The following PPFIA2 variants were observed in gnomAD, a reference collection of about 807,000 sequenced individuals.
PPFIA2 encodes PPFI scaffold protein A2, also known as liprin-alpha-2.
In PPFIA2, 46 loss-of-function variants were observed where a neutral mutation model predicts 175.5. The ratio of observed to expected loss-of-function variants is 0.26; its 90% CI spans 0.21 to 0.34. The LOEUF is 0.34. PPFIA2 is among the 10% of genes least tolerant of loss of function. The pLI is 1.00. For synonymous variants in PPFIA2, 568 were observed against 511.4 expected, an observed-to-expected ratio of 1.11 and a Z score of -1.49; for missense variants, 1,179 against 1,506.1, an observed-to-expected ratio of 0.78 and a Z score of 3.60.
Position 81,405,813 on chromosome 12 carries a change from C to T in PPFIA2, c.736G>A (p.Glu246Lys), listed in dbSNP as rs1037837231. The T allele has an allele frequency of 3.8e-6, 6 of 1,576,080 alleles. No individual in the cohort carries two copies. The highest frequency in any genetic ancestry group is 3.5e-6 in the Non-Finnish European group (4 of 1,158,574). Residue 246 changes from glutamate to lysine, a missense_variant, in exon 8 of 33, where the codon GAA becomes AAA. Physicochemically the swap from Glu to Lys is moderately conservative, Grantham distance 56. This residue lies in a region of PPFIA2 where 226 missense variants were observed against 216.6 expected (regional missense o/e 1.04). Coordinates refer to ENST00000549396, the MANE Select transcript of PPFIA2 (RefSeq NM_003625.5). ...TTCTCATGGACTTTCTGTCCAGGTT[C>T]CATCCCTTCAAGATGTTCTGACTCT... ...STESEHLEGM[E>K]PGQKVHEKRL...
Position 81,384,078 on chromosome 12 carries a change from T to C in PPFIA2, c.929A>G (p.Lys310Arg), listed in dbSNP as rs568029196. ...EVEQEAETAR[K>R]DLIKTEEMNT... ...CATTTCTTCTGTTTTAATGAGATCC[T>C]TTCTTGCTGTCTCTGCTTCCTGTTC... Residue 310 changes from lysine (K) to arginine (R), a missense_variant, in exon 9 of 33, where the codon AAG becomes AGG. Lys to Arg is a conservative substitution (Grantham distance 26, BLOSUM62 2). Coordinates refer to ENST00000549396, the MANE Select transcript of PPFIA2 (RefSeq NM_003625.5). 114 of 1,613,302 alleles carry C rather than the reference T, an allele frequency of 7.1e-5. No homozygotes were observed. In the East Asian group the frequency reaches 2.3e-3, roughly 32 times the overall value.
chr12:81,311,268 C>T (rs985164341), intron 22 of PPFIA2, among the ~76,000 whole-genome samples: 8 of 152,142 alleles, frequency 5.3e-5, no homozygotes, highest in African/African-American at 1.7e-4. Flanking sequence ...ACCAGTAGTA[C>T]AGGAAACAAT....
intron 4 of PPFIA2, among the ~76,000 whole-genome samples, chr12:81,609,832 C>G (rs954143378): frequency 6.6e-6 from 1 of 151,988 alleles, no homozygotes; most frequent in East Asian, 1.9e-4. Context: ...TAGCTGGTTG[C>G]TATGTAGATT....
At chr12:81,609,755 C>G (rs2060699904) in intron 4 of PPFIA2, among the ~76,000 whole-genome samples, 1 of 152,106 alleles carries the variant, frequency 6.6e-6, no homozygotes, top group Non-Finnish European at 1.5e-5. Flanking sequence ...TTCAGTGGAA[C>G]ATTTACCCCA....
intron 5 of PPFIA2, among the ~76,000 whole-genome samples, chr12:81,446,993 G>A (rs1337898500): frequency 6.6e-6 from 1 of 152,018 alleles, no homozygotes. Flanking sequence ...GTAGATAAGA[G>A]TCACATTTAA....
At chr12:81,462,193 T>A (rs2054652026) in intron 4 of PPFIA2, among the ~76,000 whole-genome samples, 1 of 149,280 alleles carries the variant, frequency 6.7e-6, no homozygotes, top group Non-Finnish European at 1.5e-5. Flanking sequence ...TTGTTTTGTC[T>A]ATATTGAAAT....
At chr12:81,622,090 G>A (rs2062108318) in intron 4 of PPFIA2, among the ~76,000 whole-genome samples, 1 of 152,180 alleles carries the variant, frequency 6.6e-6, no homozygotes, top group South Asian at 2.1e-4. Context: ...CACCAGTGAA[G>A]CAGCCCTCTT....
chr12:81,558,984 G>A (rs1305839173), intron 4 of PPFIA2, among the ~76,000 whole-genome samples: 1 of 152,110 alleles, frequency 6.6e-6, no homozygotes, highest in East Asian at 1.9e-4. Context: ...ACAATATATG[G>A]CTACTTGGCT....
At chr12:81,304,575 A>T (rs1045583083) in intron 22 of PPFIA2, among the ~76,000 whole-genome samples, 7 of 152,214 alleles carry the variant, frequency 4.6e-5, no homozygotes, top group African/African-American at 1.4e-4. Flanking sequence ...GAGTAGAAAC[A>T]TGTACGTTGA....
At chr12:81,333,070 CA>C (rs2056449664) in intron 21 of PPFIA2, among the ~76,000 whole-genome samples, 1 of 152,088 alleles carries the variant, frequency 6.6e-6, no homozygotes, top group Non-Finnish European at 1.5e-5. Context: ...AAAGATCATC[CA>C]GTCCAATCAG....
intron 22 of PPFIA2, among the ~76,000 whole-genome samples, chr12:81,303,840 A>T (rs1326053690): frequency 6.6e-6 from 1 of 152,228 alleles, no homozygotes; most frequent in Non-Finnish European, 1.5e-5. Flanking sequence ...AATTAGAAGC[A>T]TTGGCCAAGC....
chr12:81,444,255 T>C (rs550864809), intron 6 of PPFIA2, among the ~76,000 whole-genome samples: 3 of 152,290 alleles, frequency 2.0e-5, no homozygotes, highest in South Asian at 4.1e-4. Context: ...CTGTTTTGAG[T>C]TGTTTTTCAT....
At chr12:81,279,449 C>T (rs1191645669) in intron 27 of PPFIA2, 1 of 151,850 alleles carries the variant, frequency 6.6e-6, no homozygotes, top group African/African-American at 2.4e-5. Context: ...TAAACCAATG[C>T]TTCTTGGTCA....
At chr12:81,685,367 T>C (rs750926155) in intron 3 of PPFIA2, among the ~76,000 whole-genome samples, 59 of 152,028 alleles carry the variant, frequency 3.9e-4, no homozygotes, top group Non-Finnish European at 1.3e-4. Flanking sequence ...ACAGACCAAT[T>C]TTATAAATTT....
At chr12:81,366,083 T>TC (rs1296769256) in intron 14 of PPFIA2, among the ~76,000 whole-genome samples, 2 of 142,910 alleles carry the variant, frequency 1.4e-5, no homozygotes, top group African/African-American at 5.2e-5. Context: ...CCTTCTTTCT[T>TC]CCCCCTCTCC....
intron 3 of PPFIA2, among the ~76,000 whole-genome samples, chr12:81,737,305 A>C (rs1484682784): frequency 6.6e-6 from 1 of 151,936 alleles, no homozygotes; most frequent in Admixed American, 6.6e-5. Flanking sequence ...AGCCTTAATG[A>C]ATCTTCCTCA....
At chr12:81,264,199 A>G (rs2036521152) in intron 30 of PPFIA2, among the ~76,000 whole-genome samples, 1 of 152,294 alleles carries the variant, frequency 6.6e-6, no homozygotes, top group South Asian at 2.1e-4. Flanking sequence ...ACTTGGACAG[A>G]TCCTAGGGTG....
intron 3 of PPFIA2, among the ~76,000 whole-genome samples, chr12:81,715,230 T>C (rs1269693351): frequency 6.8e-6 from 1 of 147,190 alleles, no homozygotes; most frequent in Non-Finnish European, 1.5e-5. Flanking sequence ...GAATACTCTT[T>C]GTACATTTGG....
Position 81,746,315 on chromosome 12 carries a change from T to G in PPFIA2, c.249+7658A>C, listed in dbSNP as rs1261873683. Among the ~76,000 whole-genome samples the G allele has an allele frequency of 1.4e-5, 2 of 144,486 alleles. 1 individual carries two copies. Among genetic ancestry groups the G allele is most frequent in the Non-Finnish European group, 3.1e-5 (2 of 64,406 alleles). The allele number at this position is 144,486 out of a possible 152,430, so 94.8% of individuals were successfully genotyped here. On this transcript the variant is annotated intron_variant, in intron 3 of 32. Transcript: ENST00000549396. ...AAAATATTTAAGAACTAAAAGAGTATGGTATCATGAAAGTTAAGGGGATAA... is the reference window on the plus strand; with the variant it reads ...AAAATATTTAAGAACTAAAAGAGTAGGGTATCATGAAAGTTAAGGGGATAA...
Sources: gnomAD v4.1 joint callset for allele counts (sites outside exome capture counted in the v4.1 genomes callset) on GRCh38, gnomAD v4.1.1 for gene constraint, gnomAD v4.1.1 regional missense constraint, MANE v1.5 for transcripts, NCBI Gene and HGNC (gene_info 2026-07-23, HGNC 2026-07-21) for gene names.